The following SLC25A2 variants were observed in gnomAD, a reference collection of about 807,000 sequenced individuals.
The protein encoded by SLC25A2 is solute carrier family 25 member 2.
SLC25A2 carries 6 observed loss-of-function variants against 7.4 expected under a neutral mutation model. The observed-to-expected ratio is 0.82, with a 90% CI of 0.45 to 1.61. The LOEUF is 1.61. Ranked by LOEUF, SLC25A2 falls within the 40% of genes most tolerant of loss-of-function variation. SLC25A2 has a pLI of 0.01. For synonymous variants in SLC25A2, 158 were observed against 153.4 expected, an observed-to-expected ratio of 1.03 and a Z score of -0.22; for missense variants, 356 against 377.3, an observed-to-expected ratio of 0.94 and a Z score of 0.47.
chr5:141,304,040 G>T lies in SLC25A2; in HGVS notation c.-175C>A. On this transcript the variant is annotated 5_prime_UTR_variant, in exon 1 of 1. Coordinates refer to ENST00000239451, the MANE Select transcript of SLC25A2 (RefSeq NM_031947.4). ...TGCGGGGGAAGCCGCTCAACCCTAC[G>T]CTCCGCCGCGGGCCGCCCCCTCCCC... The T allele has an allele frequency of 2.8e-6, 2 of 714,714 alleles. No homozygotes were observed. The highest frequency in any genetic ancestry group is 4.5e-6 in the Non-Finnish European group (2 of 442,598). 44.3% of individuals were successfully genotyped at this position (714,714 alleles called of 1,614,324 possible). A position where few individuals can be genotyped will look rare whatever the true frequency, so the allele number is the denominator to read the frequency against.
rs782313727 is a variant in SLC25A2 at position 141,303,857 on chromosome 5, G to T, written c.9C>A (p.Ser3=). 8 of 1,613,226 alleles carry T rather than the reference G, an allele frequency of 5.0e-6. No homozygotes were observed. In the Admixed American group the frequency reaches 6.7e-5, roughly 13 times the overall value. Reference sequence around the variant, plus strand: ...CGATGGCGGCTTGGATGCCAGGACCGGACTTCATGTTCGCTCACTCGTCTG... The same window carrying T: ...CGATGGCGGCTTGGATGCCAGGACCTGACTTCATGTTCGCTCACTCGTCTG... MK[S]GPGIQAAIDL... is the part of the protein sequence containing the mutation. Residue 3 remains serine, a synonymous_variant, in exon 1 of 1, where the codon TCC becomes TCA. Transcript: ENST00000239451.
rs1755952329 is a variant in SLC25A2, at chr5:141,303,946, A to G, written c.-81T>C. 1 of 1,480,394 alleles carries G rather than the reference A, an allele frequency of 6.8e-7. No individual in the cohort carries two copies. Among genetic ancestry groups the G allele is most frequent in the Non-Finnish European group, 9.1e-7 (1 of 1,101,504 alleles). 91.7% of individuals were successfully genotyped at this position (1,480,394 alleles called of 1,614,324 possible). A position where few individuals can be genotyped will look rare whatever the true frequency, so the allele number is the denominator to read the frequency against. On this transcript the variant is annotated 5_prime_UTR_variant, in exon 1 of 1. Coordinates refer to ENST00000239451, the MANE Select transcript of SLC25A2 (RefSeq NM_031947.4). ...AGACCGGCTTTTCACGTCCAGCCGC[A>G]GCGAGCGCGGGGAATGGAGTTGGGG...
Position 141,303,630 on chromosome 5 carries a change from G to A in SLC25A2, c.236C>T (p.Ser79Leu), listed in dbSNP as rs1564062124. Residue 79 changes from serine (S) to leucine (L), a missense_variant, in exon 1 of 1, where the codon TCG becomes TTG. Coordinates refer to ENST00000239451, the MANE Select transcript of SLC25A2 (RefSeq NM_031947.4). ...GAACCCGTAGCACATGAAGAGGACCGAGTTTTCGGCGACGTAGGCCATAAG... is the reference window on the plus strand; with the variant it reads ...GAACCCGTAGCACATGAAGAGGACCAAGTTTTCGGCGACGTAGGCCATAAG... Reference protein sequence around the residue: ...PALMAYVAENSVLFMCYGFCQ... With the variant: ...PALMAYVAENLVLFMCYGFCQ... 2 of 1,614,232 alleles carry A rather than the reference G, an allele frequency of 1.2e-6. No homozygotes were observed. The highest frequency in any genetic ancestry group is 1.7e-5 in the Admixed American group (1 of 60,032).
chr5:141,303,978 G>A lies in SLC25A2; in HGVS notation c.-113C>T. On this transcript the variant is annotated 5_prime_UTR_variant, in exon 1 of 1. Coordinates refer to ENST00000239451, the MANE Select transcript of SLC25A2 (RefSeq NM_031947.4). ...GCGGGGAATGGAGTTGGGGGTGGTG[G>A]GGTGGCTCTACCGCCTGTTCTGGGC... is the stretch of plus-strand genomic sequence containing the variant. 2.4e-6 allele frequency: 3 copies of A among 1,267,264 alleles called. No individual in the cohort carries two copies. Among genetic ancestry groups the A allele is most frequent in the Admixed American group, 4.9e-5 (2 of 40,790 alleles). 78.5% of individuals were successfully genotyped at this position (1,267,264 alleles called of 1,614,324 possible).
At position 141,303,570 on chromosome 5, in the gene SLC25A2, T is replaced by C. The variant is rs781984184; in HGVS notation, c.296A>G (p.Asp99Gly). The C allele has an allele frequency of 7.4e-6, 12 of 1,614,070 alleles. No individual in the cohort carries two copies. The highest frequency in any genetic ancestry group is 1.0e-5 in the Non-Finnish European group (12 of 1,180,044). Residue 99 changes from aspartate (D) to glycine (G), a missense_variant, in exon 1 of 1, where the codon GAC becomes GGC. Physicochemically the swap from Asp to Gly is moderately conservative, Grantham distance 94. Transcript: ENST00000239451. Reference protein sequence around the residue: ...QQFVRKVAGMDKQAKLSDLQT... With the variant: ...QQFVRKVAGMGKQAKLSDLQT... Reference sequence around the variant, plus strand: ...GAGATCACTCAGCTTTGCCTGCTTGTCCATTCCAGCCACTTTCCTGACAAA... The same window carrying C: ...GAGATCACTCAGCTTTGCCTGCTTGCCCATTCCAGCCACTTTCCTGACAAA...
chr5:141,303,573 A>T lies in SLC25A2; in HGVS notation c.293T>A (p.Met98Lys). 1.2e-6 allele frequency: 2 copies of T among 1,614,206 alleles called. No individual in the cohort carries two copies. The highest frequency in any genetic ancestry group is 2.7e-5 in the African/African-American group (2 of 75,058). The change falls in exon 1 of 1, where the codon ATG becomes AAG. Residue 98 changes from methionine to lysine, a missense_variant. Physicochemically the swap from Met to Lys is moderately conservative, Grantham distance 95. Coordinates refer to ENST00000239451, the MANE Select transcript of SLC25A2 (RefSeq NM_031947.4). ...CQQFVRKVAG[M>K]DKQAKLSDLQ... ...ATCACTCAGCTTTGCCTGCTTGTCC[A>T]TTCCAGCCACTTTCCTGACAAACTG...
chr5:141,302,725 A>C lies in SLC25A2; in HGVS notation c.*235T>G, dbSNP rs1258102385. 1 of 491,064 alleles carries C rather than the reference A, an allele frequency of 2.0e-6. No individual in the cohort carries two copies. Among genetic ancestry groups the C allele is most frequent in the Non-Finnish European group, 3.6e-6 (1 of 279,662 alleles). The allele number at this position is 491,064 out of a possible 1,614,324, so 30.4% of individuals were successfully genotyped here. On this transcript the variant is annotated 3_prime_UTR_variant, in exon 1 of 1. Transcript: ENST00000239451. Reference sequence around the variant, plus strand: ...TAGGGCCAACCAGCCCACCCTGTACATTCCAGCAAGTGCAAGAGCAGCAAC... The same window carrying C: ...TAGGGCCAACCAGCCCACCCTGTACCTTCCAGCAAGTGCAAGAGCAGCAAC...
In SLC25A2 at chr5:141,304,014, G is replaced by C. The variant is rs1424138676; in HGVS notation, c.-149C>G. On this transcript the variant is annotated 5_prime_UTR_variant, in exon 1 of 1. Coordinates refer to ENST00000239451, the MANE Select transcript of SLC25A2 (RefSeq NM_031947.4). Reference sequence around the variant, plus strand: ...CCGCCTGTTCTGGGCTCTCACCCCAGTGCGGGGGAAGCCGCTCAACCCTAC... The same window carrying C: ...CCGCCTGTTCTGGGCTCTCACCCCACTGCGGGGGAAGCCGCTCAACCCTAC... 4.5e-6 allele frequency: 4 copies of C among 893,964 alleles called. No individual in the cohort carries two copies. In the Admixed American group the frequency reaches 8.6e-5, roughly 19 times the overall value. The allele number at this position is 893,964 out of a possible 1,614,324, so 55.4% of individuals were successfully genotyped here.
rs1392583532 is a variant in SLC25A2 at position 141,302,971 on chromosome 5, C to T, written c.895G>A (p.Glu299Lys). Residue 299 changes from glutamate (E) to lysine (K), a missense_variant, in exon 1 of 1, where the codon GAA becomes AAA. By Grantham distance (56) the Glu-to-Lys change is moderately conservative. Transcript: ENST00000239451. ...YSRKMMMKQL[E>K]AY is the part of the protein sequence containing the mutation. ...TTCACCAAGACACTTCAGTATGCTT[C>T]CAACTGTTTCATCATCATCTTCCTG... The T allele has an allele frequency of 1.2e-6, 2 of 1,611,894 alleles. No individual in the cohort carries two copies. Among genetic ancestry groups the T allele is most frequent in the Non-Finnish European group, 1.7e-6 (2 of 1,178,934 alleles).
Position 141,302,763 on chromosome 5 carries a change from A to G in SLC25A2, c.*197T>C, listed in dbSNP as rs1043491471. 1.2e-5 allele frequency: 7 copies of G among 565,140 alleles called. No individual in the cohort carries two copies. The highest frequency in any genetic ancestry group is 1.8e-5 in the Non-Finnish European group (6 of 333,432). 35.0% of individuals were successfully genotyped at this position (565,140 alleles called of 1,614,324 possible). A position where few individuals can be genotyped will look rare whatever the true frequency, so the allele number is the denominator to read the frequency against. On this transcript the variant is annotated 3_prime_UTR_variant, in exon 1 of 1. Coordinates refer to ENST00000239451, the MANE Select transcript of SLC25A2 (RefSeq NM_031947.4). ...CAAGAGCAGCAACTTTCCTATTTCA[A>G]TACAATTATGGGCAGAAATTATATG... is the stretch of plus-strand genomic sequence containing the variant.
rs1221905359 is a variant in SLC25A2, at chr5:141,303,773, G to A, written c.93C>T (p.Asp31=). 6.2e-7 allele frequency: 1 copy of A among 1,614,108 alleles called. No homozygotes were observed. The highest frequency in any genetic ancestry group is 8.5e-7 in the Non-Finnish European group (1 of 1,180,044). ...ACGTCTGCATCTTCACTTTTATTGT[G>A]TCGAAGGGCTGCCCAGTCAGTACAC... ...TACVLTGQPF[D]TIKVKMQTFP... is the part of the protein sequence containing the mutation. The change falls in exon 1 of 1, where the codon GAC becomes GAT. Residue 31 remains aspartate (D), a synonymous_variant. Transcript: ENST00000239451.
Position 141,303,278 on chromosome 5 carries a change from C to T in SLC25A2, c.588G>A (p.Ser196=), listed in dbSNP as rs777181845. Reference sequence around the variant, plus strand: ...CTTTTGATCTCCCTGACGCAAAAAACGATCGGCTCAGTTCATAGCCACCAA... The same window carrying T: ...CTTTTGATCTCCCTGACGCAAAAAATGATCGGCTCAGTTCATAGCCACCAA... The part of the protein sequence containing the change: ...FFFGGYELSR[S]FFASGRSKDE... Residue 196 remains serine, a synonymous_variant, in exon 1 of 1, where the codon TCG becomes TCA. Coordinates refer to ENST00000239451, the MANE Select transcript of SLC25A2 (RefSeq NM_031947.4). The T allele has an allele frequency of 2.2e-5, 36 of 1,614,078 alleles. No individual in the cohort carries two copies. Among genetic ancestry groups the T allele is most frequent in the Non-Finnish European group, 3.0e-5 (35 of 1,180,038 alleles).
chr5:141,303,458 G>C lies in SLC25A2; in HGVS notation c.408C>G (p.Thr136=), dbSNP rs1259516680. ...TCCCTGACATCTCCATTTCATACAT[G>C]GTCTGTAGCCGGCACTTCACAAGCT... ...PTELVKCRLQ[T]MYEMEMSGKI... is the part of the protein sequence containing the mutation. Residue 136 remains threonine (T), a synonymous_variant, in exon 1 of 1, where the codon ACC becomes ACG. Transcript: ENST00000239451. The C allele has an allele frequency of 1.2e-6, 2 of 1,614,030 alleles. No homozygotes were observed. The highest frequency in any genetic ancestry group is 1.7e-6 in the Non-Finnish European group (2 of 1,180,036).
Position 141,303,651 on chromosome 5 carries a change from A to T in SLC25A2, c.215T>A (p.Met72Lys), listed in dbSNP as rs782327890. 6.2e-7 allele frequency: 1 copy of T among 1,614,274 alleles called. No homozygotes were observed. Among genetic ancestry groups the T allele is most frequent in the Non-Finnish European group, 8.5e-7 (1 of 1,180,050 alleles). The change falls in exon 1 of 1, where the codon ATG (methionine) becomes AAG (lysine). Residue 72 changes from methionine (M) to lysine (K), a missense_variant. By Grantham distance (95) the Met-to-Lys change is moderately conservative. Coordinates refer to ENST00000239451, the MANE Select transcript of SLC25A2 (RefSeq NM_031947.4). ...GACCGAGTTTTCGGCGACGTAGGCC[A>T]TAAGTGCCGGGCCGGTGCCCTTGTA... is the stretch of plus-strand genomic sequence containing the variant. ...GFYKGTGPALMAYVAENSVLF... is the reference protein window; with the variant it reads ...GFYKGTGPALKAYVAENSVLF...
In SLC25A2 at chr5:141,303,344, C is replaced by T. The variant is rs1554296068; in HGVS notation, c.522G>A (p.Ser174=). 1.9e-6 allele frequency: 3 copies of T among 1,614,158 alleles called. No individual in the cohort carries two copies. Among genetic ancestry groups the T allele is most frequent in the East Asian group, 4.5e-5 (2 of 44,874 alleles). ...CCGGTACTTCTTGAAGTAGAGTACTCGAGAGTCCATGGTAGAAGCCCAAGG... is the reference window on the plus strand; with the variant it reads ...CCGGTACTTCTTGAAGTAGAGTACTTGAGAGTCCATGGTAGAAGCCCAAGG... ...DGPLGFYHGL[S]STLLQEVPGY... is the part of the protein sequence containing the mutation. Residue 174 remains serine (S), a synonymous_variant, in exon 1 of 1, where the codon TCG becomes TCA. Transcript: ENST00000239451.
In SLC25A2 at chr5:141,303,334, G is replaced by T; in HGVS notation, c.532C>A (p.Leu178Ile). ...AAGAAATAACCCGGTACTTCTTGAA[G>T]TAGAGTACTCGAGAGTCCATGGTAG... ...GFYHGLSSTLLQEVPGYFFFF... is the reference protein window; with the variant it reads ...GFYHGLSSTLIQEVPGYFFFF... Residue 178 changes from leucine (L) to isoleucine (I), a missense_variant, in exon 1 of 1, where the codon CTT becomes ATT. Transcript: ENST00000239451. 6.2e-7 allele frequency: 1 copy of T among 1,614,210 alleles called. No individual in the cohort carries two copies. The highest frequency in any genetic ancestry group is 8.5e-7 in the Non-Finnish European group (1 of 1,180,042).
rs782470539 is a variant in SLC25A2 at position 141,303,821 on chromosome 5, C to T, written c.45G>A (p.Ala15=). The change falls in exon 1 of 1, where the codon GCG becomes GCA. Residue 15 remains alanine, a synonymous_variant. Coordinates refer to ENST00000239451, the MANE Select transcript of SLC25A2 (RefSeq NM_031947.4). ...CACACGCTGTCCCCCCTGCGGCCCC[C>T]GCTGTGAGGTCGATGGCGGCTTGGA... is the stretch of plus-strand genomic sequence containing the variant. ...PGIQAAIDLT[A]GAAGGTACVL... is the part of the protein sequence containing the mutation. The T allele has an allele frequency of 6.2e-7, 1 of 1,614,192 alleles. No individual in the cohort carries two copies. Among genetic ancestry groups the T allele is most frequent in the Non-Finnish European group, 8.5e-7 (1 of 1,180,026 alleles).
In SLC25A2 at chr5:141,303,419, G is replaced by T. The variant is rs1564061711; in HGVS notation, c.447C>A (p.Ser149Arg). ...TCACGACAGACCAAATTGTATTATG[G>T]CTTTTTGCTATCTTCCCTGACATCT... ...EMEMSGKIAKSHNTIWSVVKG... is the reference protein window; with the variant it reads ...EMEMSGKIAKRHNTIWSVVKG... The change falls in exon 1 of 1, where the codon AGC becomes AGA. Residue 149 changes from serine to arginine, a missense_variant. Ser to Arg is a moderately radical substitution (Grantham distance 110). Coordinates refer to ENST00000239451, the MANE Select transcript of SLC25A2 (RefSeq NM_031947.4). 3.7e-6 allele frequency: 6 copies of T among 1,614,160 alleles called. No homozygotes were observed. Among genetic ancestry groups the T allele is most frequent in the Non-Finnish European group, 5.1e-6 (6 of 1,180,038 alleles).
Position 141,303,744 on chromosome 5 carries a change from G to A in SLC25A2, c.122C>T (p.Pro41Leu), listed in dbSNP as rs782421282. The A allele has an allele frequency of 2.5e-6, 4 of 1,614,242 alleles. No homozygotes were observed. Among genetic ancestry groups the A allele is most frequent in the South Asian group, 2.2e-5 (2 of 91,084 alleles). The change falls in exon 1 of 1, where the codon CCT becomes CTT. Residue 41 changes from proline to leucine, a missense_variant. Pro to Leu is a moderately conservative substitution (Grantham distance 98). Transcript: ENST00000239451. ...DTIKVKMQTF[P>L]DLYKGLTDCF... ...GTCGGTGAGGCCCTTGTACAGGTCA[G>A]GGAACGTCTGCATCTTCACTTTTAT...
Sources: gnomAD v4.1 joint callset for allele counts on GRCh38, gnomAD v4.1.1 for gene constraint, MANE v1.5 for transcripts, NCBI Gene and HGNC (gene_info 2026-07-23, HGNC 2026-07-21) for gene names.